Variants in ZNF106 observed in about 807,000 individuals in gnomAD.
ZNF106 encodes SH3-domain binding protein 3.
Under a neutral mutation model 195.1 loss-of-function variants are expected in ZNF106, and 67 were observed. The observed-to-expected ratio is 0.34, with a 90% CI of 0.28 to 0.42. The LOEUF (loss-of-function observed/expected upper bound fraction) is 0.42. Ranked by LOEUF, ZNF106 falls within the 10% of genes least tolerant of loss-of-function variation. The pLI, the probability that ZNF106 is intolerant of heterozygous loss-of-function variation, is 1.00. For synonymous variants in ZNF106, 784 were observed against 818.6 expected (o/e 0.96, Z 0.72); for missense variants, 2,118 against 2,304.5 (o/e 0.92, Z 1.66).
Position 42,448,692 on chromosome 15 carries a change from T to A in ZNF106, c.2515A>T (p.Met839Leu). The A allele has an allele frequency of 6.3e-7, 1 of 1,599,084 alleles. No individual in the cohort carries two copies. Among genetic ancestry groups the A allele is most frequent in the Non-Finnish European group, 8.5e-7 (1 of 1,176,008 alleles). ...TGTTCATTTTGAACAAGGGGTACCA[T>A]TTCTATGCCAAACCTTAAGGAAGAA... is the stretch of plus-strand genomic sequence containing the variant. ...GKGLPRFGIEMVPLVQNEQEA... is the reference protein window; with the variant it reads ...GKGLPRFGIELVPLVQNEQEA... The change falls in exon 6 of 22, where the codon ATG (methionine) becomes TTG (leucine). Residue 839 changes from methionine to leucine, a missense_variant. Physicochemically the swap from Met to Leu is conservative, Grantham distance 15 (BLOSUM62 2). Transcript: ENST00000564754.
intron 14 of ZNF106, among the ~76,000 whole-genome samples, chr15:42,433,905 G>C (rs961071304): frequency 7.9e-5 from 12 of 152,068 alleles, no homozygotes; most frequent in Admixed American, 7.2e-4. Context: ...CTGTAGTGAA[G>C]TGACACAAGC....
chr15:42,434,235 T>G (rs1376092088), intron 14 of ZNF106, among the ~76,000 whole-genome samples: 2 of 151,950 alleles, frequency 1.3e-5, no homozygotes, highest in Non-Finnish European at 2.9e-5. Context: ...GCCTGTAATC[T>G]CAGCACTTTG....
At chr15:42,462,946 CTTTT>C (rs959474305) in intron 3 of ZNF106, among the ~76,000 whole-genome samples, 14 of 142,934 alleles carry the variant, frequency 9.8e-5, no homozygotes, top group Admixed American at 9.8e-4. Flanking sequence ...CCACACCTGG[CTTTT>C]TTTTGTTTTG....
intron 14 of ZNF106, among the ~76,000 whole-genome samples, chr15:42,429,518 T>C (rs956649860): frequency 1.3e-5 from 2 of 151,744 alleles, no homozygotes; most frequent in African/African-American, 4.9e-5. Context: ...GCTGTAGATA[T>C]TAAAATCAAG....
chr15:42,457,611 G>T, intron 3 of ZNF106: 1 of 900,596 alleles, frequency 1.1e-6, no homozygotes. Context: ...GTGGAAACAA[G>T]AGTAGGTGGC....
intron 19 of ZNF106, 144 bp from the exon 20 acceptor site, chr15:42,421,276 A>G (rs2054647632): frequency 2.7e-6 from 2 of 748,756 alleles, no homozygotes. Context: ...GGAGAATGGG[A>G]AAGTATTTTC....
intron 9 of ZNF106, among the ~76,000 whole-genome samples, chr15:42,443,138 G>C (rs368864471): frequency 2.0e-5 from 3 of 152,226 alleles, no homozygotes; most frequent in African/African-American, 7.2e-5. Context: ...AAAGTGCTGG[G>C]ATTACAGGCA....
chr15:42,454,886 G>A (rs1037695594), intron 4 of ZNF106, among the ~76,000 whole-genome samples: 5 of 150,530 alleles, frequency 3.3e-5, no homozygotes, highest in Non-Finnish European at 7.4e-5. Context: ...GTGACAGACC[G>A]ACACCCTGTC....
chr15:42,413,223 T>G lies in ZNF106; in HGVS notation c.*4081A>C, dbSNP rs1449529663. 1 of 152,226 alleles carries G rather than the reference T, an allele frequency of 6.6e-6. No homozygotes were observed. Among genetic ancestry groups the G allele is most frequent in the Non-Finnish European group, 1.5e-5 (1 of 68,042 alleles). 9.4% of individuals were successfully genotyped at this position (152,226 alleles called of 1,614,324 possible). Reference sequence around the variant, plus strand: ...AGGTTACTGTCTAATACAGTAGGTCTGGTTTCTATGAGGAGCTCATATCCA... The same window carrying G: ...AGGTTACTGTCTAATACAGTAGGTCGGGTTTCTATGAGGAGCTCATATCCA... On this transcript the variant is annotated 3_prime_UTR_variant, in exon 22 of 22. Coordinates refer to ENST00000564754, the MANE Select transcript of ZNF106 (RefSeq NM_001366845.3).
At chr15:42,459,504 T>C (rs1361899483) in intron 3 of ZNF106, among the ~76,000 whole-genome samples, 1 of 151,982 alleles carries the variant, frequency 6.6e-6, no homozygotes, top group East Asian at 1.9e-4. Context: ...GAAAAAAGAA[T>C]AATCCTCAAC....
chr15:42,443,907 G>C (rs1237948813), intron 9 of ZNF106, among the ~76,000 whole-genome samples: 1 of 151,882 alleles, frequency 6.6e-6, no homozygotes, highest in Non-Finnish European at 1.5e-5. Context: ...AGGAGTTCGA[G>C]ACCAGTCTGG....
chr15:42,485,458 T>C (rs2056991496), intron 1 of ZNF106, among the ~76,000 whole-genome samples: 1 of 152,150 alleles, frequency 6.6e-6, no homozygotes. Flanking sequence ...CATGAAGACT[T>C]CGTATGTTCT....
At chr15:42,478,895 C>A (rs1030532271) in intron 1 of ZNF106, among the ~76,000 whole-genome samples, 1 of 152,168 alleles carries the variant, frequency 6.6e-6, no homozygotes, top group African/African-American at 2.4e-5. Flanking sequence ...GTCATCATTT[C>A]TCCTTTGGCT....
At position 42,415,363 on chromosome 15, in the gene ZNF106, C is replaced by G; in HGVS notation, c.*1941G>C. ...TCTCAAATGCCTGACCTTGAGTGATCCACCCGCCTCGGCCTCCCAAAGAGC... is the reference window on the plus strand; with the variant it reads ...TCTCAAATGCCTGACCTTGAGTGATGCACCCGCCTCGGCCTCCCAAAGAGC... On this transcript the variant is annotated 3_prime_UTR_variant, in exon 22 of 22. Transcript: ENST00000564754. 1 of 447,690 alleles carries G rather than the reference C, an allele frequency of 2.2e-6. No homozygotes were observed. The highest frequency in any genetic ancestry group is 4.5e-6 in the Non-Finnish European group (1 of 223,098). 27.7% of individuals were successfully genotyped at this position (447,690 alleles called of 1,614,324 possible).
chr15:42,422,896 A>G (rs1426850952), intron 17 of ZNF106, among the ~76,000 whole-genome samples: 2 of 152,066 alleles, frequency 1.3e-5, no homozygotes, highest in South Asian at 2.1e-4. Flanking sequence ...CCAAAACTCT[A>G]TCTGTATTTA....
chr15:42,476,990 GT>G (rs1382696934), intron 1 of ZNF106, among the ~76,000 whole-genome samples: 2 of 152,136 alleles, frequency 1.3e-5, no homozygotes, highest in East Asian at 1.9e-4. Context: ...TAGTAGTTAA[GT>G]TTTTGGGGGA....
In ZNF106 at chr15:42,431,905, C is replaced by T. The variant is rs886377787; in HGVS notation, c.4881+3479G>A. Among the ~76,000 whole-genome samples, 4 of 152,182 alleles carry T rather than the reference C, an allele frequency of 2.6e-5. No homozygotes were observed. In the South Asian group the frequency reaches 6.2e-4, roughly 24 times the overall value. On this transcript the variant is annotated intron_variant, in intron 14 of 21. Transcript: ENST00000564754. ...CTGGGATTACAGGCATGAGCCACCA[C>T]ACCCGGCCAGTGTTGTACAGTTCTT...
chr15:42,419,967 A>C (rs990794592), intron 20 of ZNF106, among the ~76,000 whole-genome samples: 3 of 152,144 alleles, frequency 2.0e-5, no homozygotes, highest in African/African-American at 7.2e-5. Flanking sequence ...AAAACAAAAC[A>C]AAAAAAGTAA....
intron 13 of ZNF106, 107 bp downstream of exon 13, chr15:42,437,125 C>A (rs1321329249): frequency 1.4e-5 from 17 of 1,219,438 alleles, no homozygotes; most frequent in Non-Finnish European, 1.8e-5. Context: ...CTCAGGCCCA[C>A]CCCTTCCTTC....
Sources: gnomAD v4.1 joint callset for allele counts (sites outside exome capture counted in the v4.1 genomes callset) on GRCh38, gnomAD v4.1.1 for gene constraint, MANE v1.5 for transcripts, NCBI Gene and HGNC (gene_info 2026-07-23, HGNC 2026-07-21) for gene names.